Variants in RIMBP2 observed in about 807,000 individuals in gnomAD.
The protein encoded by RIMBP2 is RIMS-binding protein 2.
In RIMBP2, 48 loss-of-function variants were observed where a neutral mutation model predicts 118.6. That is an observed-to-expected ratio of 0.40 (90% CI 0.32 to 0.51). RIMBP2 has a LOEUF of 0.51. Ranked by LOEUF, RIMBP2 falls within the 20% of genes least tolerant of loss-of-function variation. The pLI is 0.41. For missense variants in RIMBP2, 1,551 were observed against 1,768.3 expected, an observed-to-expected ratio of 0.88 and a Z score of 2.20; for synonymous variants, 762 against 742.9, an observed-to-expected ratio of 1.03 and a Z score of -0.42.
chr12:130,460,795 G>A (rs4759686), intron 6 of RIMBP2, among the ~76,000 whole-genome samples: 15,040 of 152,056 alleles, frequency 0.099, 907 homozygotes, highest in East Asian at 0.18. Flanking sequence ...GACATCCACC[G>A]CGTTCTGAGG....
At position 130,442,759 on chromosome 12, in the gene RIMBP2, A is replaced by AG; in HGVS notation, c.692-100dup. On this transcript the variant is annotated intron_variant, in intron 10 of 22. Coordinates refer to ENST00000690449, the MANE Select transcript of RIMBP2 (RefSeq NM_001393629.1). The surrounding 1 kb of genome is among the most constrained non-coding windows in gnomAD (Gnocchi z 6.9). ...CTCCCCCACCAGGACCATAAGGCAG[A>AG]GCAACAGGGTTGCCCTGGGGCTCCT... is the stretch of plus-strand genomic sequence containing the variant. 3 of 1,031,370 alleles carry AG rather than the reference A, an allele frequency of 2.9e-6. No individual in the cohort carries two copies. 63.9% of individuals were successfully genotyped at this position (1,031,370 alleles called of 1,614,324 possible).
intron 2 of RIMBP2, among the ~76,000 whole-genome samples, chr12:130,521,253 G>A (rs913687037): frequency 6.6e-6 from 1 of 152,220 alleles, no homozygotes; most frequent in Non-Finnish European, 1.5e-5. Flanking sequence ...CACCACTGAA[G>A]AAATTTTGCA....
Position 130,525,768 on chromosome 12 carries a change from C to T in RIMBP2, c.-216-7851G>A, listed in dbSNP as rs1016607124. 2.0e-5 allele frequency among the ~76,000 whole-genome samples: 3 copies of T among 152,170 alleles called. No individual in the cohort carries two copies. Among genetic ancestry groups the T allele is most frequent in the African/African-American group, 7.2e-5 (3 of 41,432 alleles). ...TGATCCCCTGGGCTTCTACGCTGGG[C>T]CAAGAACCAACATAAGCTCTTTGCT... On this transcript the variant is annotated intron_variant, in intron 2 of 22. Transcript: ENST00000690449. This position sits in a 1 kb window ranked among gnomAD's most constrained non-coding sequence, Gnocchi z 4.4.
chr12:130,463,061 G>C (rs891449951), intron 6 of RIMBP2, among the ~76,000 whole-genome samples: 2 of 152,218 alleles, frequency 1.3e-5, no homozygotes, highest in Non-Finnish European at 2.9e-5. Flanking sequence ...CTGCCAGGGG[G>C]GTCCCTGCTG....
In RIMBP2 at chr12:130,437,317, G is replaced by A. The variant is rs758617590; in HGVS notation, c.1657-26C>T. On this transcript the variant is annotated intron_variant, in intron 12 of 22. Transcript: ENST00000690449. ...CTGTGGACAAGCAGAGCTGGCTCGCGGGCTGCCCGAGGTGAGCCCCGCGGT... is the reference window on the plus strand; with the variant it reads ...CTGTGGACAAGCAGAGCTGGCTCGCAGGCTGCCCGAGGTGAGCCCCGCGGT... 5.9e-5 allele frequency: 91 copies of A among 1,542,650 alleles called. No individual in the cohort carries two copies. The East Asian group carries it at 9.6e-4, about 16-fold the overall frequency.
chr12:130,509,367 A>G (rs1467110961), intron 3 of RIMBP2, among the ~76,000 whole-genome samples: 1 of 152,188 alleles, frequency 6.6e-6, no homozygotes, highest in East Asian at 1.9e-4. Context: ...CACACATCAC[A>G]GCTTGCAGCT....
chr12:130,398,001 T>C (rs530225944), intron 22 of RIMBP2: 2 of 152,872 alleles, frequency 1.3e-5, no homozygotes, highest in South Asian at 4.2e-4. Context: ...CCTGGGGTGG[T>C]TGGTATACTA....
At chr12:130,669,913 C>T (rs1369129125) in intron 1 of RIMBP2, among the ~76,000 whole-genome samples, 1 of 152,162 alleles carries the variant, frequency 6.6e-6, no homozygotes, top group Non-Finnish European at 1.5e-5. Context: ...GGCTCAGTAA[C>T]ACACATTTAG....
chr12:130,716,114 A>AGAGT (rs1341904077), intron 1 of RIMBP2, 108 bp downstream of exon 1: 1 of 152,184 alleles, frequency 6.6e-6, no homozygotes, highest in Non-Finnish European at 1.5e-5. Flanking sequence ...GTCTGGGCAA[A>AGAGT]GAGTTTCCGG....
chr12:130,426,333 G>A (rs1461633070), intron 15 of RIMBP2: 1 of 149,928 alleles, frequency 6.7e-6, no homozygotes, highest in Non-Finnish European at 1.5e-5. Context: ...AGTCTGGAGT[G>A]CAATGGCGCA....
chr12:130,641,821 G>A (rs376256156), intron 1 of RIMBP2, among the ~76,000 whole-genome samples: 6 of 152,204 alleles, frequency 3.9e-5, no homozygotes, highest in South Asian at 2.1e-4. Context: ...AAGGGGTGCC[G>A]AGCGTGGCTG....
In RIMBP2 at chr12:130,532,876, T is replaced by C. The variant is rs560726550; in HGVS notation, c.-216-14959A>G. On this transcript the variant is annotated intron_variant, in intron 2 of 22. Coordinates refer to ENST00000690449, the MANE Select transcript of RIMBP2 (RefSeq NM_001393629.1). ...CCTCTAGGAGGGACGTCTAATGAGA[T>C]GCGTATGTTTAGCCTCTAGGAGTTA... 7.3e-5 allele frequency among the ~76,000 whole-genome samples: 11 copies of C among 150,688 alleles called. No individual in the cohort carries two copies. In the South Asian group the frequency reaches 2.3e-3, roughly 32 times the overall value.
At chr12:130,453,819 C>A (rs917236462) in intron 7 of RIMBP2, among the ~76,000 whole-genome samples, 1 of 152,060 alleles carries the variant, frequency 6.6e-6, no homozygotes, top group African/African-American at 2.4e-5. Context: ...TTTGGGAGAC[C>A]GAGGCAGGTA....
rs1413099018 is a variant in RIMBP2 at position 130,620,715 on chromosome 12, T to TA, written c.-217+7606dup. ...TCTCTGCATCCAATCCCCCTCTCTG[T>TA]AAGGACACCAGTCATAGTAGATTAA... On this transcript the variant is annotated intron_variant, in intron 2 of 22. Transcript: ENST00000690449. This position sits in a 1 kb window ranked among gnomAD's most constrained non-coding sequence, Gnocchi z 5.3. Among the ~76,000 whole-genome samples the TA allele has an allele frequency of 1.3e-5, 2 of 152,186 alleles. No homozygotes were observed. Among genetic ancestry groups the TA allele is most frequent in the African/African-American group, 4.8e-5 (2 of 41,448 alleles).
chr12:130,664,395 A>ACACATG (rs68176742), intron 1 of RIMBP2, among the ~76,000 whole-genome samples: 1 of 128,536 alleles, frequency 7.8e-6, no homozygotes, highest in Non-Finnish European at 1.7e-5. Flanking sequence ...GCATGCACAC[A>ACACATG]CACGCACGCA....
intron 1 of RIMBP2, among the ~76,000 whole-genome samples, chr12:130,649,213 G>A (rs1399255708): frequency 6.8e-6 from 1 of 146,516 alleles, no homozygotes; most frequent in East Asian, 1.9e-4. Context: ...GTGTGTGACT[G>A]CAAAGCCAGC....
intron 2 of RIMBP2, among the ~76,000 whole-genome samples, chr12:130,592,090 C>G (rs141597712): frequency 2.4e-3 from 368 of 152,240 alleles, no homozygotes; most frequent in African/African-American, 8.1e-3. Context: ...TTCTTCCTCC[C>G]GAGAGGTAAG....
At chr12:130,496,209 T>A (rs1326050296) in intron 4 of RIMBP2, among the ~76,000 whole-genome samples, 1 of 152,164 alleles carries the variant, frequency 6.6e-6, no homozygotes, top group Non-Finnish European at 1.5e-5. Flanking sequence ...TCCCCCACAC[T>A]GTTCTGTGGT....
chr12:130,637,942 C>T (rs2062425366), intron 1 of RIMBP2, among the ~76,000 whole-genome samples: 1 of 125,442 alleles, frequency 8.0e-6, no homozygotes, highest in African/African-American at 2.8e-5. Context: ...ACTGTGTAGA[C>T]AGTTGGGAAA....
Sources: gnomAD v4.1 joint callset for allele counts (sites outside exome capture counted in the v4.1 genomes callset) on GRCh38, gnomAD v4.1.1 for gene constraint, Gnocchi (gnomAD v3.1) non-coding constraint, MANE v1.5 for transcripts, NCBI Gene and HGNC (gene_info 2026-07-23, HGNC 2026-07-21) for gene names.